The following ADRA1B variants were observed in gnomAD, a reference collection of about 807,000 sequenced individuals.
ADRA1B encodes the protein alpha-1B adrenergic receptor.
ADRA1B carries 17 observed loss-of-function variants against 17.9 expected under a neutral mutation model. The ratio of observed to expected loss-of-function variants is 0.95; its 90% confidence interval spans 0.65 to 1.42. The LOEUF (loss-of-function observed/expected upper bound fraction) is 1.42. Among genes scored for constraint, ADRA1B ranks in the 40% most tolerant of loss-of-function variants. The pLI is 0.00. For missense variants in ADRA1B, 681 were observed against 722.1 expected (o/e 0.94, Z 0.65); for synonymous variants, 366 against 327.6 (o/e 1.12, Z -1.27).
chr5:159,877,097 G>C (rs1384554994), intron 1 of ADRA1B, among the ~76,000 whole-genome samples: 3 of 152,200 alleles, frequency 2.0e-5, no homozygotes, highest in African/African-American at 7.2e-5. Context: ...TAAAAGGACT[G>C]ATGATGTGTT....
At chr5:159,984,994 T>C in the ADRA1B span, among the ~76,000 whole-genome samples, 1 of 152,132 alleles carries the variant, frequency 6.6e-6, no homozygotes, top group East Asian at 1.9e-4. Flanking sequence ...ATCCACACTT[T>C]GCAATGGTCT....
intron 1 of ADRA1B, among the ~76,000 whole-genome samples, chr5:159,960,801 C>A (rs1200081319): frequency 1.3e-5 from 2 of 151,658 alleles, no homozygotes; most frequent in African/African-American, 4.8e-5. Flanking sequence ...CCATGAACCT[C>A]ATTTTGCATA....
chr5:159,878,569 G>A (rs548915137), intron 1 of ADRA1B, among the ~76,000 whole-genome samples: 1 of 152,250 alleles, frequency 6.6e-6, no homozygotes, highest in African/African-American at 2.4e-5. Context: ...ATATAATAAG[G>A]TGAAGTAACC....
intron 1 of ADRA1B, chr5:159,869,081 CG>C (rs751332289): frequency 1.3e-5 from 2 of 152,136 alleles, no homozygotes; most frequent in Non-Finnish European, 2.9e-5. Flanking sequence ...CAACTGAAAT[CG>C]GGCACACATA....
chr5:159,911,331 C>T (rs1229769377), intron 1 of ADRA1B, among the ~76,000 whole-genome samples: 2 of 152,186 alleles, frequency 1.3e-5, no homozygotes, highest in African/African-American at 4.8e-5. Flanking sequence ...CAGAATAGCA[C>T]GAAGGCATAA....
chr5:159,975,573 GT>G (rs904222396), downstream of ADRA1B, among the ~76,000 whole-genome samples: 29 of 152,340 alleles, frequency 1.9e-4, no homozygotes, highest in African/African-American at 7.0e-4. Flanking sequence ...GAGCTGCTCA[GT>G]TCTGATGATC....
Position 159,971,873 on chromosome 5 carries a change from C to T in ADRA1B, c.950-6C>T. 2.1e-6 allele frequency: 1 copy of T among 468,842 alleles called. No homozygotes were observed. The allele number at this position is 468,842 out of a possible 1,614,324, so 29.0% of individuals were successfully genotyped here. ...CTGCCCGTGCCCACCCCCCTCCCCA[C>T]TGCAGGCTCCTTGTTCTCCACCCTG... is the stretch of plus-strand genomic sequence containing the variant. On this transcript the variant is annotated splice_polypyrimidine_tract_variant and splice_region_variant and intron_variant, in intron 1 of 1. Transcript: ENST00000306675.
In ADRA1B at chr5:159,972,312, C is replaced by T; in HGVS notation, c.1383C>T (p.Pro461=). ...GALLSLPAPE[P]PGRRGRHDSG... is the part of the protein sequence containing the mutation. ...TCCTGAGCCTGCCCGCGCCTGAGCC[C>T]CCCGGCCGCCGCGGCCGCCACGACT... The change falls in exon 2 of 2, where the codon CCC becomes CCT. Residue 461 remains proline (P), a synonymous_variant. Transcript: ENST00000306675. 2 of 1,431,484 alleles carry T rather than the reference C, an allele frequency of 1.4e-6. No individual in the cohort carries two copies. The highest frequency in any genetic ancestry group is 2.8e-5 in the South Asian group (2 of 71,016). The allele number at this position is 1,431,484 out of a possible 1,614,324, so 88.7% of individuals were successfully genotyped here.
chr5:159,866,131 A>T (rs528198387), intron 1 of ADRA1B, among the ~76,000 whole-genome samples: 1 of 152,024 alleles, frequency 6.6e-6, no homozygotes, highest in African/African-American at 2.4e-5. Flanking sequence ...GTGAAACCTC[A>T]TATCTACAAA....
At chr5:159,939,391 A>G (rs1755063797) in intron 1 of ADRA1B, among the ~76,000 whole-genome samples, 2 of 151,394 alleles carry the variant, frequency 1.3e-5, no homozygotes, top group Non-Finnish European at 2.9e-5. Context: ...CTGCTTACAA[A>G]TTGTCTTTGC....
chr5:159,933,783 C>T (rs982009024), intron 1 of ADRA1B, among the ~76,000 whole-genome samples: 5 of 152,234 alleles, frequency 3.3e-5, no homozygotes, highest in African/African-American at 9.6e-5. Context: ...TGGTTTGAGG[C>T]TCCAGGACTG....
At chr5:159,878,317 T>G (rs1753823582) in intron 1 of ADRA1B, among the ~76,000 whole-genome samples, 1 of 152,156 alleles carries the variant, frequency 6.6e-6, no homozygotes, top group Admixed American at 6.5e-5. Context: ...GGGATCCAGT[T>G]CAAGGGGCCT....
chr5:159,959,334 A>C (rs1755622758), intron 1 of ADRA1B, among the ~76,000 whole-genome samples: 1 of 152,210 alleles, frequency 6.6e-6, no homozygotes. Flanking sequence ...TTTATTCAGC[A>C]CCTATTATGA....
chr5:159,883,411 C>A (rs1753884702), intron 1 of ADRA1B, among the ~76,000 whole-genome samples: 1 of 152,208 alleles, frequency 6.6e-6, no homozygotes, highest in Admixed American at 6.5e-5. Context: ...AAAATTACCC[C>A]TTCTCTAACA....
At chr5:159,915,778 C>T (rs1373871437), upstream of ADRA1B, among the ~76,000 whole-genome samples, 1 of 152,208 alleles carries the variant, frequency 6.6e-6, no homozygotes, top group African/African-American at 2.4e-5. Context: ...AGCCTAACAC[C>T]TGTCATCACA....
At chr5:159,892,883 A>G (rs1754001366) in intron 1 of ADRA1B, among the ~76,000 whole-genome samples, 1 of 152,084 alleles carries the variant, frequency 6.6e-6, no homozygotes, top group Admixed American at 6.6e-5. Flanking sequence ...TGGTATTTCT[A>G]CCTTTAGGTC....
At chr5:159,979,157 C>T in the ADRA1B span, among the ~76,000 whole-genome samples, 1 of 129,226 alleles carries the variant, frequency 7.7e-6, no homozygotes, top group African/African-American at 2.5e-5. Context: ...AAGACCCTAT[C>T]TCTACAAAAA....
At chr5:159,909,867 T>C (rs1754210166) in intron 1 of ADRA1B, among the ~76,000 whole-genome samples, 1 of 152,216 alleles carries the variant, frequency 6.6e-6, no homozygotes, top group Non-Finnish European at 1.5e-5. Flanking sequence ...GCCAAGGACT[T>C]GGCACTTAGG....
chr5:159,972,060 C>CCGCCGT lies in ADRA1B; in HGVS notation c.1136_1141dup (p.Arg379_Arg380dup), dbSNP rs1261826458. 6.9e-6 allele frequency: 9 copies of CCGCCGT among 1,311,504 alleles called. No homozygotes were observed. The highest frequency in any genetic ancestry group is 8.1e-5 in the Admixed American group (2 of 24,550). The allele number at this position is 1,311,504 out of a possible 1,614,324, so 81.2% of individuals were successfully genotyped here. On this transcript the variant is annotated inframe_insertion, in exon 2 of 2. Coordinates refer to ENST00000306675, the MANE Select transcript of ADRA1B (RefSeq NM_000679.4). The stretch of plus-strand genomic sequence containing the variant: ...GCCGCGGCCGCCGCCGACGCCGCCG[C>CCGCCGT]CGCCGTCGCCTGGGCGGCTGCGCCT...
Sources: allele counts gnomAD v4.1 joint callset (sites outside exome capture counted in the v4.1 genomes callset), GRCh38; gene constraint gnomAD v4.1.1; transcripts MANE v1.5; gene names NCBI Gene and HGNC (gene_info 2026-07-23, HGNC 2026-07-21).